The following POU2F2 variants were observed in gnomAD, a reference collection of about 807,000 sequenced individuals.
POU2F2 encodes the protein POU class 2 homeobox 2.
In POU2F2, 14 loss-of-function variants were observed where a neutral mutation model predicts 63.5. The ratio of observed to expected loss-of-function variants is 0.22; its 90% CI spans 0.15 to 0.34. POU2F2 has a LOEUF of 0.34. Among genes scored for constraint, POU2F2 ranks in the 10% least tolerant of loss-of-function variants. The probability of loss-of-function intolerance (pLI) is 1.00; values close to 1 mark genes in which losing one functional copy is unlikely to be tolerated. For synonymous variants in POU2F2, 306 were observed against 348.6 expected (o/e 0.88, Z 1.36); for missense variants, 607 against 815.2 (o/e 0.74, Z 3.11).
At chr19:42,106,040 TTTC>T (rs1382085452) in intron 5 of POU2F2, among the ~76,000 whole-genome samples, 1 of 147,644 alleles carries the variant, frequency 6.8e-6, no homozygotes, top group Non-Finnish European at 1.5e-5. Context: ...TCTTTCTTTC[TTTC>T]TTTCTTTCTT....
chr19:42,092,266 A>G lies in POU2F2; in HGVS notation c.1269T>C (p.Thr423=). The G allele has an allele frequency of 6.5e-7, 1 of 1,549,834 alleles. No homozygotes were observed. The highest frequency in any genetic ancestry group is 2.4e-5 in the East Asian group (1 of 41,708). ...GCGTCCCCACAGCTGAGGATAAGGT[A>G]GTAACTGCCAGAGAGAGACAGAAAG... ...QASSSLSTTV[T]TLSSAVGTLH... is the part of the protein sequence containing the mutation. Residue 423 remains threonine, a synonymous_variant, in exon 13 of 15, where the codon ACT becomes ACC. Transcript: ENST00000692977. This position sits in a 1 kb window ranked among gnomAD's most constrained non-coding sequence, Gnocchi z 5.0.
At chr19:42,195,103 G>GAGGGAGGAAGGAAGGGAGGGAGGAAGGA (rs1568430915) in intron 1 of POU2F2, among the ~76,000 whole-genome samples, 8 of 61,482 alleles carry the variant, frequency 1.3e-4, no homozygotes, top group African/African-American at 2.6e-4. Context: ...GGAAGGAAGG[G>GAGGGAGGAAGGAAGGGAGGGAGGAAGGA]AGGGAGGGAG....
intron 2 of POU2F2, among the ~76,000 whole-genome samples, chr19:42,138,994 G>C (rs542198970): frequency 6.6e-6 from 1 of 152,144 alleles, no homozygotes; most frequent in African/African-American, 2.4e-5. Context: ...AAGAAAAGAA[G>C]CACTGTGATG....
rs1215424008 is a variant in POU2F2 at position 42,195,046 on chromosome 19, G to A, written c.-70+1337C>T. Among the ~76,000 whole-genome samples, 3 of 63,134 alleles carry A rather than the reference G, an allele frequency of 4.8e-5. No individual in the cohort carries two copies. The South Asian group carries it at 2.6e-3, about 55-fold the overall frequency. The allele number at this position is 63,134 out of a possible 152,430, so 41.4% of individuals were successfully genotyped here. On this transcript the variant is annotated intron_variant, in intron 1 of 5. Transcript: ENST00000532176. Reference sequence around the variant, plus strand: ...GGGAGGAACGAAGGGAGGGAGGGAGGAAGGAAGGGAGGGAGGGAGGGAGGA... The same window carrying A: ...GGGAGGAACGAAGGGAGGGAGGGAGAAAGGAAGGGAGGGAGGGAGGGAGGA...
chr19:42,092,330 C>A lies in POU2F2; in HGVS notation c.1265-60G>T. 1 of 1,326,862 alleles carries A rather than the reference C, an allele frequency of 7.5e-7. No individual in the cohort carries two copies. Among genetic ancestry groups the A allele is most frequent in the Admixed American group, 2.0e-5 (1 of 50,662 alleles). 82.2% of individuals were successfully genotyped at this position (1,326,862 alleles called of 1,614,324 possible). A position where few individuals can be genotyped will look rare whatever the true frequency, so the allele number is the denominator to read the frequency against. ...CTTCCACTCGTCCCCCACTGAGGAA[C>A]CTGGGGTCAGCTCCTACTTGTCCTC... On this transcript the variant is annotated intron_variant, in intron 12 of 14. Transcript: ENST00000692977. The surrounding 1 kb of genome is among the most constrained non-coding windows in gnomAD (Gnocchi z 5.0).
rs1491002180 is a variant in POU2F2 at position 42,162,428 on chromosome 19, C to T, written c.-69-2036G>A. The stretch of plus-strand genomic sequence containing the variant: ...GGGAGCTATTTAGAAGATGTCTTCC[C>T]CCATTGTACAGATGGGGACCCTGAG... On this transcript the variant is annotated intron_variant, in intron 1 of 6. Coordinates refer to the POU2F2 transcript ENST00000524801. The surrounding 1 kb of genome is among the most constrained non-coding windows in gnomAD (Gnocchi z 4.1). 2.6e-5 allele frequency among the ~76,000 whole-genome samples: 4 copies of T among 152,090 alleles called. No homozygotes were observed. The highest frequency in any genetic ancestry group is 5.9e-5 in the Non-Finnish European group (4 of 67,996).
At chr19:42,191,279 G>T (rs2035072776) in intron 1 of POU2F2, among the ~76,000 whole-genome samples, 1 of 152,134 alleles carries the variant, frequency 6.6e-6, no homozygotes, top group South Asian at 2.1e-4. Flanking sequence ...AACAGAAAAA[G>T]AAAGCATTCT....
In POU2F2 at chr19:42,088,464, A is replaced by C. The variant is rs2076615497; in HGVS notation, c.*2793T>G. The C allele has an allele frequency of 6.7e-6, 1 of 149,804 alleles. No individual in the cohort carries two copies. The highest frequency in any genetic ancestry group is 2.5e-5 in the African/African-American group (1 of 40,636). The allele number at this position is 149,804 out of a possible 1,614,324, so 9.3% of individuals were successfully genotyped here. ...GACTTGATGGGGAGGAAGCAGGATGAAGTGGGTGGTGGTGAGTCCTGGATT... is the reference window on the plus strand; with the variant it reads ...GACTTGATGGGGAGGAAGCAGGATGCAGTGGGTGGTGGTGAGTCCTGGATT... On this transcript the variant is annotated 3_prime_UTR_variant, in exon 15 of 15. Transcript: ENST00000692977.
intron 1 of POU2F2, among the ~76,000 whole-genome samples, chr19:42,183,524 C>T (rs1410086514): frequency 3.3e-5 from 5 of 152,020 alleles, no homozygotes; most frequent in African/African-American, 7.2e-5. Flanking sequence ...GGTTACACAA[C>T]TGTGTGTGTG....
intron 5 of POU2F2, among the ~76,000 whole-genome samples, chr19:42,116,433 G>A (rs1168196983): frequency 1.3e-5 from 2 of 152,124 alleles, no homozygotes; most frequent in Non-Finnish European, 2.9e-5. Context: ...CCAGGAGGCT[G>A]TGAACTCCCA....
intron 2 of POU2F2, among the ~76,000 whole-genome samples, chr19:42,140,448 C>A (rs760401686): frequency 2.4e-4 from 36 of 152,196 alleles, no homozygotes; most frequent in Non-Finnish European, 1.5e-4. Context: ...CCCTACAGGA[C>A]CTCCCCGCTG....
At chr19:42,124,303 CAA>C (rs1249716927) in intron 1 of POU2F2, among the ~76,000 whole-genome samples, 10 of 44,238 alleles carry the variant, frequency 2.3e-4, no homozygotes, top group Non-Finnish European at 2.8e-4. Context: ...GACCCTGTCT[CAA>C]AAAAAAAAAA....
intron 5 of POU2F2, among the ~76,000 whole-genome samples, chr19:42,107,475 C>A (rs2030298383): frequency 6.6e-6 from 1 of 152,196 alleles, no homozygotes; most frequent in African/African-American, 2.4e-5. Flanking sequence ...AGCAATAGAT[C>A]TGATGACTAC....
At chr19:42,194,488 G>T (rs778264782) in intron 1 of POU2F2, among the ~76,000 whole-genome samples, 1 of 151,834 alleles carries the variant, frequency 6.6e-6, no homozygotes, top group Non-Finnish European at 1.5e-5. Flanking sequence ...ATCGGGTGCC[G>T]TGGCTCATGC....
At chr19:42,132,304 A>G in intron 1 of POU2F2, 80 bp downstream of exon 1, 2 of 1,464,380 alleles carry the variant, frequency 1.4e-6, no homozygotes, top group South Asian at 1.2e-5. Flanking sequence ...GCTGAGGAGG[A>G]GGGGCAGGCA....
In POU2F2 at chr19:42,086,616, T is replaced by G. The variant is rs1448048275; in HGVS notation, c.*4641A>C. ...AGTGGGACAAGAGGCCAGAAAGGAG[T>G]TGAAAGTTCAGGCCCCTGCTCTTCC... On this transcript the variant is annotated 3_prime_UTR_variant, in exon 15 of 15. Transcript: ENST00000692977. 6.6e-6 allele frequency: 1 copy of G among 151,808 alleles called. No homozygotes were observed. Among genetic ancestry groups the G allele is most frequent in the Admixed American group, 6.6e-5 (1 of 15,226 alleles). 9.4% of individuals were successfully genotyped at this position (151,808 alleles called of 1,614,324 possible).
intron 12 of POU2F2, 24 bp downstream of exon 12, chr19:42,093,805 T>TCAC: frequency 6.3e-7 from 1 of 1,593,346 alleles, no homozygotes; most frequent in Non-Finnish European, 8.6e-7. Flanking sequence ...CAGTCCCCCC[T>TCAC]CACCATTTTC....
At chr19:42,116,838 A>G in intron 5 of POU2F2, 2 of 397,702 alleles carry the variant, frequency 5.0e-6, no homozygotes, top group Non-Finnish European at 1.0e-5. Context: ...AGGAGGAGGC[A>G]GAGGAGGAGG....
chr19:42,160,102 C>T (rs2034526263), intron 2 of POU2F2, among the ~76,000 whole-genome samples: 1 of 152,114 alleles, frequency 6.6e-6, no homozygotes, highest in Non-Finnish European at 1.5e-5. Context: ...CACTGATCAG[C>T]AGAAACACCC....
Sources: allele counts gnomAD v4.1 joint callset (sites outside exome capture counted in the v4.1 genomes callset), GRCh38; gene constraint gnomAD v4.1.1; non-coding constraint Gnocchi (gnomAD v3.1); transcripts MANE v1.5; gene names NCBI Gene and HGNC (gene_info 2026-07-23, HGNC 2026-07-21).